The following BRMS1L variants were observed in gnomAD, a reference collection of about 807,000 sequenced individuals.
BRMS1L encodes the protein breast cancer metastasis-suppressor 1-like protein.
In BRMS1L, 23 loss-of-function variants were observed where a neutral mutation model predicts 50.3. The ratio of observed to expected loss-of-function variants is 0.46; its 90% CI spans 0.33 to 0.65. The LOEUF is 0.65. BRMS1L is among the 30% of genes least tolerant of loss of function. The pLI, the probability that BRMS1L is intolerant of heterozygous loss-of-function variation, is 0.02. For missense variants in BRMS1L, 286 were observed against 386.1 expected, an observed-to-expected ratio of 0.74 and a Z score of 2.17; for synonymous variants, 114 against 126.9, an observed-to-expected ratio of 0.90 and a Z score of 0.69.
At chr14:35,834,990 T>A in intron 4 of BRMS1L, 67 bp downstream of exon 4, 1 of 1,167,460 alleles carries the variant, frequency 8.6e-7, no homozygotes, top group Non-Finnish European at 1.2e-6. Flanking sequence ...GTGTAGTAGT[T>A]AAAAAAGTAA....
In BRMS1L at chr14:35,862,703, G is replaced by C; in HGVS notation, c.538+17G>C. On this transcript the variant is annotated intron_variant, in intron 5 of 9. Transcript: ENST00000216807. ...TTACCTCAGGTAAGGAGAATGATAT[G>C]ATTGTGATGTTTGAGTGGCACCAGA... The C allele has an allele frequency of 6.3e-7, 1 of 1,580,340 alleles. No individual in the cohort carries two copies. Among genetic ancestry groups the C allele is most frequent in the African/African-American group, 1.3e-5 (1 of 74,244 alleles).
At chr14:35,832,447 A>C (rs1220742672) in intron 2 of BRMS1L, among the ~76,000 whole-genome samples, 13 of 151,548 alleles carry the variant, frequency 8.6e-5, no homozygotes, top group Non-Finnish European at 8.8e-5. Flanking sequence ...GCGGAGCTTG[A>C]AGTGAGCGAG....
rs1045749864 is a variant in BRMS1L, at chr14:35,868,007, G to A, written c.829G>A (p.Asp277Asn). The A allele has an allele frequency of 3.0e-5, 48 of 1,601,758 alleles. No individual in the cohort carries two copies. Among genetic ancestry groups the A allele is most frequent in the Non-Finnish European group, 4.0e-5 (47 of 1,176,516 alleles). ...WYIRGQTICI[D>N]KKDECPTSAV... Reference sequence around the variant, plus strand: ...TATACGTGGACAAACAATATGTATTGATAAAAAAGATGAATGTCCTACAAG... The same window carrying A: ...TATACGTGGACAAACAATATGTATTAATAAAAAAGATGAATGTCCTACAAG... Residue 277 changes from aspartate (D) to asparagine (N), a missense_variant, in exon 9 of 10, where the codon GAT becomes AAT. Around this residue, in one of 5 missense-constraint regions of BRMS1L, gnomAD observed 49 missense variants for 39.1 expected, o/e 1.25. Transcript: ENST00000216807.
intron 4 of BRMS1L, among the ~76,000 whole-genome samples, chr14:35,856,553 A>G (rs2078281296): frequency 6.6e-6 from 1 of 151,210 alleles, no homozygotes; most frequent in Non-Finnish European, 1.5e-5. Context: ...AGAAAGATAA[A>G]ATCAACTATA....
chr14:35,836,108 C>A (rs1051418431), intron 4 of BRMS1L, among the ~76,000 whole-genome samples: 9 of 152,012 alleles, frequency 5.9e-5, no homozygotes, highest in Admixed American at 5.9e-4. Flanking sequence ...GATATTTTTT[C>A]CTAAGAAGTG....
intron 4 of BRMS1L, among the ~76,000 whole-genome samples, chr14:35,847,446 G>C (rs148268898): frequency 6.6e-6 from 1 of 152,120 alleles, no homozygotes; most frequent in Non-Finnish European, 1.5e-5. Flanking sequence ...CTATAGGTGT[G>C]TGCCACTGTG....
chr14:35,853,020 A>C (rs1228731779), intron 4 of BRMS1L, among the ~76,000 whole-genome samples: 6 of 150,602 alleles, frequency 4.0e-5, no homozygotes, highest in Non-Finnish European at 8.8e-5. Flanking sequence ...CTATCTATAT[A>C]TAGAGAGAGA....
intron 4 of BRMS1L, among the ~76,000 whole-genome samples, chr14:35,841,248 A>G (rs1414386482): frequency 6.6e-6 from 1 of 151,144 alleles, no homozygotes; most frequent in African/African-American, 2.4e-5. Context: ...TTTGCTGAGG[A>G]GTGTTTTACT....
At chr14:35,836,652 C>T (rs1418821202) in intron 4 of BRMS1L, among the ~76,000 whole-genome samples, 1 of 152,098 alleles carries the variant, frequency 6.6e-6, no homozygotes. Context: ...TTGTGTCTTC[C>T]TATTTTGAGG....
chr14:35,829,028 C>T (rs1405293607), intron 1 of BRMS1L, among the ~76,000 whole-genome samples: 2 of 151,836 alleles, frequency 1.3e-5, no homozygotes, highest in African/African-American at 2.4e-5. Flanking sequence ...TCGCTGCAAC[C>T]TCTGCCTCCT....
chr14:35,865,790 A>G (rs374489014), intron 8 of BRMS1L, 29 bp downstream of exon 8: 1 of 1,591,262 alleles, frequency 6.3e-7, no homozygotes, highest in African/African-American at 1.4e-5. Context: ...GTTGGGAAAT[A>G]TTCTCTTTGG....
At chr14:35,847,671 T>G (rs1037134366) in intron 4 of BRMS1L, among the ~76,000 whole-genome samples, 1 of 152,220 alleles carries the variant, frequency 6.6e-6, no homozygotes, top group Non-Finnish European at 1.5e-5. Context: ...CTCTGGAACT[T>G]AATCATCTGG....
chr14:35,842,091 G>T (rs1417739354), intron 4 of BRMS1L, among the ~76,000 whole-genome samples: 2 of 149,978 alleles, frequency 1.3e-5, no homozygotes, highest in Non-Finnish European at 2.9e-5. Context: ...CGTGAGATGC[G>T]TCTCCTGAAT....
intron 4 of BRMS1L, among the ~76,000 whole-genome samples, chr14:35,845,155 A>G (rs903910078): frequency 1.3e-5 from 2 of 152,178 alleles, no homozygotes; most frequent in South Asian, 4.1e-4. Context: ...CCATGTAGAT[A>G]ATAATGTCAT....
At position 35,850,542 on chromosome 14, in the gene BRMS1L, A is replaced by C. The variant is rs147748350; in HGVS notation, c.442-12048A>C. Among the ~76,000 whole-genome samples, 242 of 152,250 alleles carry C rather than the reference A, an allele frequency of 1.6e-3. 1 individual carries two copies. Among genetic ancestry groups the C allele is most frequent in the African/African-American group, 5.8e-3 (240 of 41,550 alleles). ...TCTGTTGTTTTCATTGCTGTGCAGA[A>C]ACTTTTTAGTTTTGGTAGTCTCACT... On this transcript the variant is annotated intron_variant, in intron 4 of 9. Transcript: ENST00000216807.
rs375537336 is a variant in BRMS1L, at chr14:35,826,665, G to T, written c.142+7G>T. On this transcript the variant is annotated splice_region_variant and intron_variant, in intron 1 of 9. Transcript: ENST00000216807. ...GAGGATGGAGATAGCTCAGGTGCGC[G>T]ACCCACTGCTGGGACCCTGAGTCCC... is the stretch of plus-strand genomic sequence containing the variant. 3 of 1,610,990 alleles carry T rather than the reference G, an allele frequency of 1.9e-6. No homozygotes were observed. In the South Asian group the frequency reaches 3.3e-5, roughly 18 times the overall value.
At chr14:35,864,625 C>T (rs924845452) in intron 6 of BRMS1L, among the ~76,000 whole-genome samples, 5 of 152,198 alleles carry the variant, frequency 3.3e-5, no homozygotes, top group East Asian at 1.9e-4. Context: ...TATTCAGTTT[C>T]GGCATTCTCT....
intron 4 of BRMS1L, among the ~76,000 whole-genome samples, chr14:35,841,006 C>G (rs891627618): frequency 6.6e-6 from 1 of 152,194 alleles, no homozygotes; most frequent in Non-Finnish European, 1.5e-5. Flanking sequence ...AATTTTCCCT[C>G]TAAACACTGC....
intron 4 of BRMS1L, among the ~76,000 whole-genome samples, chr14:35,853,368 G>A (rs575340630): frequency 2.0e-5 from 3 of 151,812 alleles, no homozygotes; most frequent in African/African-American, 7.3e-5. Context: ...TACATTTATA[G>A]TGATTATAGT....
Sources: gnomAD v4.1 joint callset for allele counts (sites outside exome capture counted in the v4.1 genomes callset) on GRCh38, gnomAD v4.1.1 for gene constraint, gnomAD v4.1.1 regional missense constraint, MANE v1.5 for transcripts, NCBI Gene and HGNC (gene_info 2026-07-23, HGNC 2026-07-21) for gene names.